ARHGAP20: variants seen among roughly 807,000 people sequenced by gnomAD.
The protein encoded by ARHGAP20 is Rho GTPase activating protein 20, also known as rho GTPase-activating protein 20.
Under a neutral mutation model 73.7 loss-of-function variants are expected in ARHGAP20, and 34 were observed. The observed-to-expected ratio is 0.46, with a 90% CI of 0.35 to 0.61. The LOEUF (loss-of-function observed/expected upper bound fraction) is 0.61. ARHGAP20 is among the 20% of genes least tolerant of loss of function. The probability of loss-of-function intolerance (pLI) is 0.00; values close to 1 mark genes in which losing one functional copy is unlikely to be tolerated. For missense variants in ARHGAP20, 1,314 were observed against 1,420.9 expected (o/e 0.92, Z 1.21); for synonymous variants, 523 against 518.2 (o/e 1.01, Z -0.13).
intron 10 of ARHGAP20, 107 bp from the exon 11 acceptor site, chr11:110,590,916 GC>G: frequency 8.8e-7 from 1 of 1,131,254 alleles, no homozygotes; most frequent in South Asian, 1.8e-5. Flanking sequence ...TAGGGTAAAA[GC>G]ACTGAAGGAT....
intron 12 of ARHGAP20, among the ~76,000 whole-genome samples, chr11:110,584,207 G>C (rs1379241138): frequency 6.6e-6 from 1 of 152,132 alleles, no homozygotes; most frequent in Non-Finnish European, 1.5e-5. Flanking sequence ...AGACGTCCAG[G>C]TCCATTTTGA....
chr11:110,582,503 T>C, intron 13 of ARHGAP20, 68 bp from the exon 14 acceptor site: 4 of 1,064,472 alleles, frequency 3.8e-6, no homozygotes, highest in East Asian at 4.9e-5. Flanking sequence ...ATTTCATATA[T>C]AAATCCTGAT....
chr11:110,655,643 T>C (rs1008451098), intron 2 of ARHGAP20, among the ~76,000 whole-genome samples: 4 of 152,146 alleles, frequency 2.6e-5, no homozygotes, highest in African/African-American at 9.7e-5. Flanking sequence ...CCTCTGAAGG[T>C]GGCAGATACT....
At chr11:110,639,248 C>G (rs529518663) in intron 2 of ARHGAP20, among the ~76,000 whole-genome samples, 11 of 142,174 alleles carry the variant, frequency 7.7e-5, no homozygotes, top group East Asian at 2.0e-4. Context: ...ACCCCCCCCC[C>G]ACAAGAGTTT....
intron 2 of ARHGAP20, among the ~76,000 whole-genome samples, chr11:110,660,061 C>CAAAAAAAAAA (rs746439426): frequency 7.2e-5 from 5 of 69,216 alleles, no homozygotes; most frequent in Non-Finnish European, 9.8e-5. Flanking sequence ...TAATAAAAAA[C>CAAAAAAAAAA]AAAAAAAAAA....
At chr11:110,642,413 T>C (rs1411080593) in intron 2 of ARHGAP20, among the ~76,000 whole-genome samples, 2 of 152,134 alleles carry the variant, frequency 1.3e-5, no homozygotes, top group African/African-American at 4.8e-5. Flanking sequence ...AGTATGATGT[T>C]GGCTGTGGGT....
At chr11:110,643,047 A>AT (rs1259665497) in intron 2 of ARHGAP20, among the ~76,000 whole-genome samples, 5 of 151,932 alleles carry the variant, frequency 3.3e-5, no homozygotes, top group African/African-American at 9.7e-5. Flanking sequence ...TCTCTTCTAG[A>AT]TTTTTTAATT....
chr11:110,637,965 G>T (rs1334858449), intron 2 of ARHGAP20, among the ~76,000 whole-genome samples: 1 of 152,100 alleles, frequency 6.6e-6, no homozygotes, highest in Non-Finnish European at 1.5e-5. Flanking sequence ...ATTAGCAGCA[G>T]ATGAGAAAGG....
At chr11:110,655,453 G>A (rs113303590) in intron 2 of ARHGAP20, among the ~76,000 whole-genome samples, 52 of 152,302 alleles carry the variant, frequency 3.4e-4, no homozygotes, top group African/African-American at 1.1e-3. Flanking sequence ...TGTGTTTTGC[G>A]TTGGAACATT....
intron 2 of ARHGAP20, among the ~76,000 whole-genome samples, chr11:110,635,877 A>G (rs1948956846): frequency 6.6e-6 from 1 of 152,154 alleles, no homozygotes; most frequent in African/African-American, 2.4e-5. Context: ...TTTCAAATGT[A>G]TAGAAAACAA....
chr11:110,657,244 C>A (rs1161885435), intron 2 of ARHGAP20, among the ~76,000 whole-genome samples: 2 of 151,690 alleles, frequency 1.3e-5, no homozygotes, highest in Non-Finnish European at 2.9e-5. Flanking sequence ...AAGTCCATTC[C>A]AGTTCTAAAT....
At chr11:110,662,658 C>T (rs184019737) in intron 2 of ARHGAP20, among the ~76,000 whole-genome samples, 12 of 151,884 alleles carry the variant, frequency 7.9e-5, no homozygotes, top group East Asian at 5.8e-4. Flanking sequence ...ATAAAAGAAA[C>T]GAAACATGAA....
chr11:110,696,916 T>C (rs1950347252), intron 1 of ARHGAP20, among the ~76,000 whole-genome samples: 1 of 151,856 alleles, frequency 6.6e-6, no homozygotes, highest in Non-Finnish European at 1.5e-5. Context: ...TTCTTTTTTA[T>C]GGCTGCATAG....
At position 110,580,478 on chromosome 11, in the gene ARHGAP20, T is replaced by C. The variant is rs771295140; in HGVS notation, c.2468A>G (p.Asn823Ser). 1 of 1,613,940 alleles carries C rather than the reference T, an allele frequency of 6.2e-7. No individual in the cohort carries two copies. Among genetic ancestry groups the C allele is most frequent in the South Asian group, 1.1e-5 (1 of 91,076 alleles). Residue 823 changes from asparagine (N) to serine (S), a missense_variant, in exon 15 of 15, where the codon AAT (asparagine) becomes AGT (serine). Physicochemically the swap from Asn to Ser is conservative, Grantham distance 46 (BLOSUM62 1). Coordinates refer to ENST00000683387, the MANE Select transcript of ARHGAP20 (RefSeq NM_001384657.1). Reference protein sequence around the residue: ...DHSKNQPFDVNTSGYSPPHTA... With the variant: ...DHSKNQPFDVSTSGYSPPHTA... ...GTGTGGTGGGGAGTATCCAGATGTA[T>C]TCACATCAAAGGGCTGGTTCTTGGA... is the stretch of plus-strand genomic sequence containing the variant.
chr11:110,603,078 C>T (rs1281945125), intron 9 of ARHGAP20, among the ~76,000 whole-genome samples: 1 of 152,108 alleles, frequency 6.6e-6, no homozygotes, highest in Non-Finnish European at 1.5e-5. Context: ...AGTGGTACTA[C>T]CTGAAAAATA....
chr11:110,677,431 A>G (rs1255633089), intron 2 of ARHGAP20, among the ~76,000 whole-genome samples: 4 of 152,192 alleles, frequency 2.6e-5, no homozygotes, highest in Non-Finnish European at 5.9e-5. Flanking sequence ...AGGTGGGCAA[A>G]TGGCTTCAGC....
At chr11:110,645,176 A>T (rs1949163257) in intron 2 of ARHGAP20, among the ~76,000 whole-genome samples, 2 of 151,804 alleles carry the variant, frequency 1.3e-5, no homozygotes, top group African/African-American at 4.8e-5. Flanking sequence ...CACCCCGCTA[A>T]TTTTTGTATT....
intron 9 of ARHGAP20, among the ~76,000 whole-genome samples, chr11:110,602,555 ATTT>A: frequency 6.6e-6 from 1 of 152,236 alleles, no homozygotes; most frequent in African/African-American, 2.4e-5. Context: ...TGAGTGGCTC[ATTT>A]GTTAGCCAAC....
chr11:110,614,114 G>A (rs1323227135), intron 6 of ARHGAP20, among the ~76,000 whole-genome samples: 1 of 152,074 alleles, frequency 6.6e-6, no homozygotes, highest in Non-Finnish European at 1.5e-5. Context: ...AAAACTTAAA[G>A]AATGAAGAAC....
Sources: gnomAD v4.1 joint callset for allele counts (sites outside exome capture counted in the v4.1 genomes callset) on GRCh38, gnomAD v4.1.1 for gene constraint, MANE v1.5 for transcripts, NCBI Gene and HGNC (gene_info 2026-07-23, HGNC 2026-07-21) for gene names.